Variants in PRDM5 observed in about 807,000 individuals in gnomAD.
PRDM5 encodes the protein PR domain zinc finger protein 5.
Under a neutral mutation model 81.2 loss-of-function variants are expected in PRDM5, and 56 were observed. That is an observed-to-expected ratio of 0.69 (90% confidence interval 0.56 to 0.86). The LOEUF (loss-of-function observed/expected upper bound fraction) is 0.86. PRDM5 is among the 40% of genes least tolerant of loss of function. PRDM5 has a pLI of 0.00. For missense variants in PRDM5, 697 were observed against 770.1 expected, an observed-to-expected ratio of 0.91 and a Z score of 1.12; for synonymous variants, 267 against 256.4, an observed-to-expected ratio of 1.04 and a Z score of -0.39.
At chr4:120,853,224 G>A (rs1759488896) in intron 3 of PRDM5, among the ~76,000 whole-genome samples, 194 bp downstream of exon 3, 1 of 152,122 alleles carries the variant, frequency 6.6e-6, no homozygotes, top group Non-Finnish European at 1.5e-5. Context: ...CATAAAGTAA[G>A]TACCCTGGTG....
At chr4:120,811,901 A>G (rs1203164392) in intron 7 of PRDM5, among the ~76,000 whole-genome samples, 1 of 151,990 alleles carries the variant, frequency 6.6e-6, no homozygotes, top group South Asian at 2.1e-4. Flanking sequence ...CTATTCTTTT[A>G]TTTTTAAATA....
At chr4:120,884,773 A>G (rs1035330315) in intron 2 of PRDM5, among the ~76,000 whole-genome samples, 14 of 152,140 alleles carry the variant, frequency 9.2e-5, no homozygotes, top group Non-Finnish European at 1.6e-4. Flanking sequence ...ACTCTTTCCT[A>G]TGAAGTCTGA....
chr4:120,758,245 TC>T (rs1745075644), intron 13 of PRDM5, among the ~76,000 whole-genome samples: 1 of 152,184 alleles, frequency 6.6e-6, no homozygotes, highest in African/African-American at 2.4e-5. Flanking sequence ...TGCTATTGGT[TC>T]TTTTTTCTCT....
intron 11 of PRDM5, among the ~76,000 whole-genome samples, chr4:120,783,327 T>C (rs1017948824): frequency 6.6e-6 from 1 of 152,094 alleles, no homozygotes; most frequent in Admixed American, 6.6e-5. Flanking sequence ...TCACGATGCA[T>C]CTTCATAAAG....
intron 14 of PRDM5, among the ~76,000 whole-genome samples, chr4:120,713,158 A>C (rs1010247564): frequency 2.0e-5 from 3 of 152,184 alleles, no homozygotes; most frequent in Non-Finnish European, 2.9e-5. Flanking sequence ...CTATTATGCT[A>C]TTGGAAAATA....
At chr4:120,758,448 A>C (rs114748694) in intron 13 of PRDM5, among the ~76,000 whole-genome samples, 2,315 of 152,254 alleles carry the variant, frequency 0.015, 55 homozygotes, top group African/African-American at 0.048. Flanking sequence ...TTACTGGAGT[A>C]GTGTGGGCCC....
At chr4:120,783,930 T>A (rs905033550) in intron 11 of PRDM5, among the ~76,000 whole-genome samples, 1 of 152,156 alleles carries the variant, frequency 6.6e-6, no homozygotes, top group Admixed American at 6.6e-5. Context: ...ATACTGCCTC[T>A]GTATAACCAA....
At chr4:120,824,374 A>G (rs551945012) in intron 3 of PRDM5, among the ~76,000 whole-genome samples, 75 of 152,276 alleles carry the variant, frequency 4.9e-4, no homozygotes, top group African/African-American at 1.8e-3. Flanking sequence ...GACGCCTTGT[A>G]TATACACTTA....
chr4:120,720,829 A>G (rs1738495407), intron 14 of PRDM5, among the ~76,000 whole-genome samples: 1 of 152,370 alleles, frequency 6.6e-6, no homozygotes, highest in Non-Finnish European at 1.5e-5. Context: ...GCAGGTTTCT[A>G]TATAACACAT....
At position 120,713,877 on chromosome 4, in the gene PRDM5, A is replaced by G. The variant is rs370937189; in HGVS notation, c.1624-3464T>C. Among the ~76,000 whole-genome samples, 27 of 152,280 alleles carry G rather than the reference A, an allele frequency of 1.8e-4. No individual in the cohort carries two copies. The East Asian group carries it at 4.0e-3, about 23-fold the overall frequency. On this transcript the variant is annotated intron_variant, in intron 14 of 15. Coordinates refer to ENST00000264808, the MANE Select transcript of PRDM5 (RefSeq NM_018699.4). ...AGGGTGTCAGCCTAGTCAGGTTCAC[A>G]TGAGGGCCCTTTTCTGGGTTGTGAA...
rs781309084 is a variant in PRDM5 at position 120,816,834 on chromosome 4, C to A, written c.741G>T (p.Ser247=). 1 of 1,612,870 alleles carries A rather than the reference C, an allele frequency of 6.2e-7. No homozygotes were observed. Among genetic ancestry groups the A allele is most frequent in the Non-Finnish European group, 8.5e-7 (1 of 1,178,886 alleles). ...SVCNSSFSSA[S]SFEQHQETCR... Reference sequence around the variant, plus strand: ...ATTTCATAACTCAGACACAAAACCTCGATGCTGAACTGAAGGAAGAATTGC... The same window carrying A: ...ATTTCATAACTCAGACACAAAACCTAGATGCTGAACTGAAGGAAGAATTGC... Residue 247 remains serine (S), a splice_region_variant and synonymous_variant, in exon 6 of 16, where the codon TCG becomes TCT. Transcript: ENST00000264808.
chr4:120,729,441 C>T (rs1203448063), intron 14 of PRDM5, among the ~76,000 whole-genome samples: 1 of 152,120 alleles, frequency 6.6e-6, no homozygotes, highest in East Asian at 1.9e-4. Context: ...TGAGAGGCCC[C>T]ATAGGTCCTT....
chr4:120,904,308 G>A (rs949628407), intron 2 of PRDM5, among the ~76,000 whole-genome samples: 16 of 149,238 alleles, frequency 1.1e-4, no homozygotes, highest in South Asian at 6.4e-4. Flanking sequence ...AAATGAAGAC[G>A]AGACCAAGAG....
At chr4:120,903,955 C>T (rs937959108) in intron 2 of PRDM5, among the ~76,000 whole-genome samples, 4 of 151,772 alleles carry the variant, frequency 2.6e-5, no homozygotes. Flanking sequence ...TTTGGGAGGC[C>T]GAGGCCAGCA....
intron 2 of PRDM5, among the ~76,000 whole-genome samples, chr4:120,857,396 C>A (rs1335459788): frequency 6.6e-6 from 1 of 152,042 alleles, no homozygotes; most frequent in Non-Finnish European, 1.5e-5. Flanking sequence ...GGGAAAGATA[C>A]CTTCTTGTGA....
At chr4:120,687,376 A>G (rs1180158794), downstream of PRDM5, among the ~76,000 whole-genome samples, 1 of 152,088 alleles carries the variant, frequency 6.6e-6, no homozygotes, top group Non-Finnish European at 1.5e-5. Flanking sequence ...AAGTGAAATG[A>G]TGCAGTATTT....
chr4:120,734,421 TAC>T lies in PRDM5; in HGVS notation c.1623+20130_1623+20131del, dbSNP rs149559268. ...ACACACACACACACACACACACAAA[TAC>T]ACACACACACACACACACACACACC... On this transcript the variant is annotated intron_variant, in intron 14 of 15. Coordinates refer to ENST00000264808, the MANE Select transcript of PRDM5 (RefSeq NM_018699.4). Among the ~76,000 whole-genome samples the T allele has an allele frequency of 3.5e-3, 488 of 137,578 alleles. 1 individual carries two copies. The highest frequency in any genetic ancestry group is 7.2e-3 in the South Asian group (31 of 4,314). 90.3% of individuals were successfully genotyped at this position (137,578 alleles called of 152,430 possible).
chr4:120,767,113 A>G (rs1399877638), intron 13 of PRDM5, among the ~76,000 whole-genome samples: 1 of 152,204 alleles, frequency 6.6e-6, no homozygotes, highest in Non-Finnish European at 1.5e-5. Flanking sequence ...AAATGAAGGA[A>G]TTGAAGGATG....
At chr4:120,734,421 TACACACAC>T (rs149559268) in intron 14 of PRDM5, among the ~76,000 whole-genome samples, 11 of 138,190 alleles carry the variant, frequency 8.0e-5, no homozygotes, top group African/African-American at 2.2e-4. Flanking sequence ...CACACACAAA[TACACACAC>T]ACACACACAC....
Sources: gnomAD v4.1 joint callset for allele counts (sites outside exome capture counted in the v4.1 genomes callset) on GRCh38, gnomAD v4.1.1 for gene constraint, MANE v1.5 for transcripts, NCBI Gene and HGNC (gene_info 2026-07-23, HGNC 2026-07-21) for gene names.